The following ZBTB7C variants were observed in gnomAD, a reference collection of about 807,000 sequenced individuals.
The protein encoded by ZBTB7C is zinc finger and BTB domain containing 7C.
In ZBTB7C, 8 loss-of-function variants were observed where a neutral mutation model predicts 25.7. The ratio of observed to expected loss-of-function variants is 0.31; its 90% CI spans 0.18 to 0.56. ZBTB7C has a LOEUF of 0.56. Ranked by LOEUF, ZBTB7C falls within the 20% of genes least tolerant of loss-of-function variation. The probability of loss-of-function intolerance (pLI) is 0.91; values close to 1 mark genes in which losing one functional copy is unlikely to be tolerated. For synonymous variants in ZBTB7C, 394 were observed against 369.0 expected (o/e 1.07, Z -0.78); for missense variants, 824 against 855.2 (o/e 0.96, Z 0.46).
intron 1 of ZBTB7C, among the ~76,000 whole-genome samples, chr18:48,362,718 C>T (rs764599135): frequency 8.3e-6 from 1 of 120,776 alleles, no homozygotes; most frequent in African/African-American, 2.8e-5. Flanking sequence ...TAAAACAAGA[C>T]GCATGGGTTA....
intron 3 of ZBTB7C, among the ~76,000 whole-genome samples, chr18:48,119,682 CT>C (rs2039562280): frequency 1.3e-5 from 2 of 152,212 alleles, no homozygotes; most frequent in Non-Finnish European, 2.9e-5. Flanking sequence ...GCCCAGACAG[CT>C]TGCTTAGGTC....
chr18:48,236,513 T>G (rs1465284196), intron 2 of ZBTB7C, among the ~76,000 whole-genome samples: 1 of 152,176 alleles, frequency 6.6e-6, no homozygotes, highest in Admixed American at 6.5e-5. Flanking sequence ...AGTTCAGGAT[T>G]TCGTTTGAGC....
chr18:48,392,641 C>G (rs1475833806), intron 1 of ZBTB7C, among the ~76,000 whole-genome samples: 1 of 152,182 alleles, frequency 6.6e-6, no homozygotes, highest in East Asian at 1.9e-4. Flanking sequence ...CAGCTTTTAC[C>G]AGAATCTCTC....
intron 3 of ZBTB7C, among the ~76,000 whole-genome samples, chr18:48,052,759 G>A (rs566334106): frequency 1.8e-4 from 28 of 152,262 alleles, no homozygotes; most frequent in Non-Finnish European, 2.9e-4. Context: ...TGAAGCGGCC[G>A]GGTCCCTGTT....
intron 3 of ZBTB7C, chr18:48,041,639 C>T (rs1400325886): frequency 1.3e-5 from 9 of 714,116 alleles, no homozygotes; most frequent in Non-Finnish European, 1.4e-5. Flanking sequence ...ATTTCGTGGC[C>T]CATTTTCAGC....
intron 3 of ZBTB7C, among the ~76,000 whole-genome samples, chr18:48,139,971 C>A (rs2040292680): frequency 6.6e-6 from 1 of 152,164 alleles, no homozygotes; most frequent in African/African-American, 2.4e-5. Context: ...TCCCCGCCTT[C>A]CCGGTTCAGG....
intron 2 of ZBTB7C, among the ~76,000 whole-genome samples, chr18:48,241,419 C>T (rs2144358000): frequency 6.6e-6 from 1 of 152,288 alleles, no homozygotes; most frequent in South Asian, 2.1e-4. Flanking sequence ...TTCATCAGCA[C>T]ATGGAACATT....
chr18:48,317,189 C>T (rs1044072285), intron 2 of ZBTB7C, among the ~76,000 whole-genome samples: 7 of 146,420 alleles, frequency 4.8e-5, no homozygotes, highest in Non-Finnish European at 8.9e-5. Flanking sequence ...AGGGGAATCA[C>T]TTGAACCCAG....
At chr18:48,192,224 T>A (rs2042214432) in intron 2 of ZBTB7C, among the ~76,000 whole-genome samples, 1 of 152,196 alleles carries the variant, frequency 6.6e-6, no homozygotes, top group Non-Finnish European at 1.5e-5. Flanking sequence ...GGCTACATAC[T>A]GTCTGATTCC....
chr18:48,253,792 G>C (rs2043939297), intron 2 of ZBTB7C, among the ~76,000 whole-genome samples: 1 of 152,118 alleles, frequency 6.6e-6, no homozygotes, highest in Admixed American at 6.5e-5. Context: ...ACCCTCAAAG[G>C]GTTAACAAGA....
intron 3 of ZBTB7C, among the ~76,000 whole-genome samples, chr18:48,056,222 C>T (rs1263320838): frequency 6.6e-6 from 1 of 152,170 alleles, no homozygotes; most frequent in South Asian, 2.1e-4. Context: ...GACTGAAGCA[C>T]TCCTTAAGAC....
At chr18:48,152,200 G>A (rs191001481) in intron 3 of ZBTB7C, among the ~76,000 whole-genome samples, 82 of 152,314 alleles carry the variant, frequency 5.4e-4, no homozygotes, top group Admixed American at 1.4e-3. Flanking sequence ...GTGGGCTTCA[G>A]AGAATCCTTA....
Position 48,140,594 on chromosome 18 carries a change from T to C in ZBTB7C, c.-17+45340A>G, listed in dbSNP as rs116704194. 7.8e-3 allele frequency among the ~76,000 whole-genome samples: 1,185 copies of C among 152,222 alleles called. 9 individuals carry two copies. The highest frequency in any genetic ancestry group is 0.027 in the African/African-American group (1,128 of 41,526). ...TGTGGTTTGCTGATGCATGCCTCAGTTTATCCATCTGAACAAGCAGGGTAA... is the reference window on the plus strand; with the variant it reads ...TGTGGTTTGCTGATGCATGCCTCAGCTTATCCATCTGAACAAGCAGGGTAA... On this transcript the variant is annotated intron_variant, in intron 3 of 4. Transcript: ENST00000590800.
At chr18:48,054,347 A>G (rs1171282495) in intron 3 of ZBTB7C, among the ~76,000 whole-genome samples, 1 of 151,774 alleles carries the variant, frequency 6.6e-6, no homozygotes, top group Non-Finnish European at 1.5e-5. Flanking sequence ...ATTCACGGCC[A>G]CTCCCCTGCC....
At chr18:48,099,919 T>G (rs2038772102) in intron 3 of ZBTB7C, among the ~76,000 whole-genome samples, 1 of 152,236 alleles carries the variant, frequency 6.6e-6, no homozygotes, top group Non-Finnish European at 1.5e-5. Context: ...CAGTTCCCTT[T>G]TAAATGAGCT....
chr18:48,280,185 G>C (rs1236512454), intron 2 of ZBTB7C, among the ~76,000 whole-genome samples: 2 of 152,110 alleles, frequency 1.3e-5, no homozygotes, highest in African/African-American at 4.8e-5. Context: ...CAGCTTGTCA[G>C]AGAAGGAGGA....
At chr18:48,123,558 C>G (rs1231767587) in intron 3 of ZBTB7C, among the ~76,000 whole-genome samples, 1 of 152,218 alleles carries the variant, frequency 6.6e-6, no homozygotes, top group Non-Finnish European at 1.5e-5. Context: ...ATTGCTGCAG[C>G]AACTCCCTCC....
intron 2 of ZBTB7C, among the ~76,000 whole-genome samples, chr18:48,335,482 G>A (rs977118700): frequency 2.6e-5 from 4 of 152,160 alleles, no homozygotes; most frequent in Non-Finnish European, 4.4e-5. Context: ...CCTGGAGTCA[G>A]GGCTGGTTCC....
At chr18:48,137,778 C>T (rs755726954) in intron 3 of ZBTB7C, among the ~76,000 whole-genome samples, 1 of 152,246 alleles carries the variant, frequency 6.6e-6, no homozygotes, top group African/African-American at 2.4e-5. Context: ...AGACATATCA[C>T]GCAGGCTGAC....
Sources: gnomAD v4.1 joint callset for allele counts (sites outside exome capture counted in the v4.1 genomes callset) on GRCh38, gnomAD v4.1.1 for gene constraint, MANE v1.5 for transcripts, NCBI Gene and HGNC (gene_info 2026-07-23, HGNC 2026-07-21) for gene names.